The following NUDT3 variants were observed in gnomAD, a reference collection of about 807,000 sequenced individuals.
NUDT3 encodes the protein nudix hydrolase 3, also known as diphosphoinositol polyphosphate phosphohydrolase 1.
Under a neutral mutation model 23.6 loss-of-function variants are expected in NUDT3, and 9 were observed. The observed-to-expected ratio is 0.38, with a 90% CI of 0.23 to 0.66. The LOEUF (loss-of-function observed/expected upper bound fraction) is 0.66. NUDT3 is among the 30% of genes least tolerant of loss of function. The pLI, the probability that NUDT3 is intolerant of heterozygous loss-of-function variation, is 0.52. For missense variants in NUDT3, 172 were observed against 218.5 expected (o/e 0.79, Z 1.34); for synonymous variants, 86 against 82.6 (o/e 1.04, Z -0.22).
chr6:34,301,186 A>T (rs2113701207), intron 2 of NUDT3, among the ~76,000 whole-genome samples: 1 of 129,856 alleles, frequency 7.7e-6, no homozygotes, highest in East Asian at 2.0e-4. Flanking sequence ...CTTGTTACCA[A>T]GTGAAAGAGT....
At chr6:34,293,916 C>T (rs1763461126) in intron 3 of NUDT3, among the ~76,000 whole-genome samples, 1 of 152,130 alleles carries the variant, frequency 6.6e-6, no homozygotes, top group Non-Finnish European at 1.5e-5. Flanking sequence ...GCAAGGCAAA[C>T]AAGCTGAGTG....
chr6:34,324,561 C>T (rs78689075), intron 2 of NUDT3, among the ~76,000 whole-genome samples: 12,616 of 152,218 alleles, frequency 0.083, 696 homozygotes, highest in Non-Finnish European at 0.12. Context: ...TAAGCCACTG[C>T]ACCCAGCATG....
In NUDT3 at chr6:34,297,734, TA is replaced by T. The variant is rs1489815102; in HGVS notation, c.211-2050del. 3.8e-3 allele frequency among the ~76,000 whole-genome samples: 152 copies of T among 40,164 alleles called. 2 individuals are homozygous for T. The highest frequency in any genetic ancestry group is 0.019 in the Middle Eastern group (1 of 52). 26.3% of individuals were successfully genotyped at this position (40,164 alleles called of 152,430 possible). Reference sequence around the variant, plus strand: ...CGGCTAATGTAAAAAAAAAAAAATATATATATATATATATATATATATATAA... The same window carrying T: ...CGGCTAATGTAAAAAAAAAAAAATATTATATATATATATATATATATATAA... On this transcript the variant is annotated intron_variant, in intron 2 of 4. Coordinates refer to ENST00000607016, the MANE Select transcript of NUDT3 (RefSeq NM_006703.4).
At chr6:34,296,579 A>ACATACATACATACATACACG (rs1297420166) in intron 2 of NUDT3, among the ~76,000 whole-genome samples, 3 of 152,078 alleles carry the variant, frequency 2.0e-5, no homozygotes, top group African/African-American at 7.2e-5. Flanking sequence ...GTCGGTAAAT[A>ACATACATACATACATACACG]CATACATACA....
At chr6:34,325,721 T>C (rs949264818) in intron 2 of NUDT3, among the ~76,000 whole-genome samples, 1 of 152,242 alleles carries the variant, frequency 6.6e-6, no homozygotes, top group Non-Finnish European at 1.5e-5. Context: ...GATCCTCACA[T>C]ATAATGTACT....
intron 2 of NUDT3, among the ~76,000 whole-genome samples, chr6:34,302,586 G>T (rs930705125): frequency 6.6e-6 from 1 of 152,068 alleles, no homozygotes; most frequent in African/African-American, 2.4e-5. Flanking sequence ...CAAAAAATTA[G>T]CCGAGCATGG....
intron 2 of NUDT3, among the ~76,000 whole-genome samples, chr6:34,335,752 GT>G (rs776418517): frequency 0.099 from 13,928 of 141,342 alleles, 705 homozygotes; most frequent in Non-Finnish European, 0.12. Flanking sequence ...AAAATGCTGT[GT>G]TTTTTTTTTT....
chr6:34,351,504 G>A (rs1405226944), intron 1 of NUDT3, among the ~76,000 whole-genome samples: 7 of 149,402 alleles, frequency 4.7e-5, no homozygotes, highest in Non-Finnish European at 1.0e-4. Context: ...CACTTTGGGA[G>A]GCCAAGGCGG....
chr6:34,331,717 C>A (rs565222831), intron 2 of NUDT3, among the ~76,000 whole-genome samples: 36 of 152,280 alleles, frequency 2.4e-4, no homozygotes, highest in Admixed American at 2.3e-3. Context: ...AACTGCAGAT[C>A]AAGAATTTTT....
rs201037570 is a variant in NUDT3, at chr6:34,290,237, CTT to C, written c.341-1308_341-1307del. Among the ~76,000 whole-genome samples the C allele has an allele frequency of 8.4e-3, 1,257 of 149,790 alleles. 10 individuals are homozygous for C. Among genetic ancestry groups the C allele is most frequent in the African/African-American group, 0.024 (979 of 40,638 alleles). On this transcript the variant is annotated intron_variant, in intron 4 of 4. Coordinates refer to ENST00000607016, the MANE Select transcript of NUDT3 (RefSeq NM_006703.4). The stretch of plus-strand genomic sequence containing the variant: ...TCATGTTATTTTTTCTTTTCTTTTT[CTT>C]TCTCTCTTTTTTTTTTTTCCAGAGA...
intron 1 of NUDT3, among the ~76,000 whole-genome samples, chr6:34,365,199 G>T (rs989128184): frequency 6.6e-6 from 1 of 152,072 alleles, no homozygotes; most frequent in Non-Finnish European, 1.5e-5. Flanking sequence ...GGAGGCCAAG[G>T]CGGGTGGATC....
chr6:34,329,932 G>T (rs1164336320), intron 2 of NUDT3, among the ~76,000 whole-genome samples: 1 of 152,132 alleles, frequency 6.6e-6, no homozygotes, highest in Non-Finnish European at 1.5e-5. Flanking sequence ...AGTTTGCTCA[G>T]AATGATGGTT....
At chr6:34,344,975 A>C (rs1268286642) in intron 1 of NUDT3, among the ~76,000 whole-genome samples, 1 of 151,966 alleles carries the variant, frequency 6.6e-6, no homozygotes, top group Non-Finnish European at 1.5e-5. Flanking sequence ...AAAATGGCTA[A>C]TGGTATGTTA....
intron 1 of NUDT3, among the ~76,000 whole-genome samples, chr6:34,371,609 A>G (rs1454869891): frequency 6.7e-6 from 1 of 150,026 alleles, no homozygotes; most frequent in African/African-American, 2.5e-5. Context: ...TAGAGGTAAC[A>G]GTCAGTTTAT....
chr6:34,291,446 T>A (rs1272539046), intron 4 of NUDT3, among the ~76,000 whole-genome samples: 1 of 152,138 alleles, frequency 6.6e-6, no homozygotes, highest in Non-Finnish European at 1.5e-5. Flanking sequence ...GTCCTGCTTG[T>A]GTATGTCAGG....
At chr6:34,314,940 C>T (rs927997936) in intron 2 of NUDT3, among the ~76,000 whole-genome samples, 4 of 152,152 alleles carry the variant, frequency 2.6e-5, no homozygotes, top group Non-Finnish European at 5.9e-5. Flanking sequence ...AACATCAGCA[C>T]CAGGATTAGA....
chr6:34,293,900 A>G (rs1369849976), intron 3 of NUDT3, among the ~76,000 whole-genome samples: 2 of 152,072 alleles, frequency 1.3e-5, no homozygotes, highest in Non-Finnish European at 2.9e-5. Context: ...AACTTCAGTG[A>G]CCCCAGCAAG....
chr6:34,387,813 G>A (rs998526026), intron 1 of NUDT3, among the ~76,000 whole-genome samples: 1 of 151,088 alleles, frequency 6.6e-6, no homozygotes, highest in African/African-American at 2.4e-5. Context: ...AGTTTATAAA[G>A]TAAAAAAATT....
chr6:34,350,384 C>A (rs1764448352), intron 1 of NUDT3, among the ~76,000 whole-genome samples: 1 of 150,788 alleles, frequency 6.6e-6, no homozygotes, highest in Admixed American at 6.6e-5. Flanking sequence ...TTCAGATGAG[C>A]CCTTTAAATA....
Sources: gnomAD v4.1 joint callset for allele counts (sites outside exome capture counted in the v4.1 genomes callset) on GRCh38, gnomAD v4.1.1 for gene constraint, MANE v1.5 for transcripts, NCBI Gene and HGNC (gene_info 2026-07-23, HGNC 2026-07-21) for gene names.